Variants in TMEM131L observed in about 807,000 individuals in gnomAD.
TMEM131L encodes transmembrane protein 131-like.
In TMEM131L, 54 loss-of-function variants were observed where a neutral mutation model predicts 192.2. That is an observed-to-expected ratio of 0.28 (90% CI 0.23 to 0.35). The LOEUF is 0.35. Among genes scored for constraint, TMEM131L ranks in the 10% least tolerant of loss-of-function variants. The probability of loss-of-function intolerance (pLI) is 1.00; values close to 1 mark genes in which losing one functional copy is unlikely to be tolerated. For synonymous variants in TMEM131L, 701 were observed against 704.9 expected (o/e 0.99, Z 0.09); for missense variants, 1,888 against 1,972.9 (o/e 0.96, Z 0.82).
At chr4:153,630,491 G>A (rs916669358) in intron 31 of TMEM131L, among the ~76,000 whole-genome samples, 5 of 152,230 alleles carry the variant, frequency 3.3e-5, no homozygotes, top group Admixed American at 6.5e-5. Flanking sequence ...GGATGTGTTA[G>A]TGATTGCATA....
Position 153,580,858 on chromosome 4 carries a change from G to A in TMEM131L, c.693G>A (p.Val231=). ...AETTNTSLLQ[V]QLECSLHNKV... is the part of the protein sequence containing the mutation. The stretch of plus-strand genomic sequence containing the variant: ...CCACTAATACTAGCCTCTTGCAGGT[G>A]CAACTGGAATGCAGTTTACATAATA... The change falls in exon 8 of 35, where the codon GTG becomes GTA. Residue 231 remains valine, a synonymous_variant. Transcript: ENST00000409959. The A allele has an allele frequency of 6.2e-7, 1 of 1,612,862 alleles. No individual in the cohort carries two copies. The highest frequency in any genetic ancestry group is 1.1e-5 in the South Asian group (1 of 91,036).
chr4:153,528,591 C>A (rs1418604810), intron 3 of TMEM131L, among the ~76,000 whole-genome samples: 1 of 152,042 alleles, frequency 6.6e-6, no homozygotes, highest in Non-Finnish European at 1.5e-5. Context: ...CACTTGCATT[C>A]TTTTTAATGT....
intron 7 of TMEM131L, among the ~76,000 whole-genome samples, chr4:153,580,033 C>G (rs576059509): frequency 1.3e-5 from 2 of 152,262 alleles, no homozygotes; most frequent in South Asian, 4.1e-4. Flanking sequence ...TTTTTCTAAT[C>G]ACTATGCCAG....
rs772883505 is a variant in TMEM131L at position 153,555,132 on chromosome 4, ACCTCTGCTGC to A, written c.309-654_309-645del. On this transcript the variant is annotated intron_variant, in intron 4 of 34. Coordinates refer to ENST00000409959, the MANE Select transcript of TMEM131L (RefSeq NM_001131007.2). This position sits in a 1 kb window ranked among gnomAD's most constrained non-coding sequence, Gnocchi z 4.1. ...AGGCTCATAATTTAAATGGATGAGAACCTCTGCTGCAAAGTGCTGCCGGATTTTCAGTTTT... is the reference window on the plus strand; with the variant it reads ...AGGCTCATAATTTAAATGGATGAGAAAAAGTGCTGCCGGATTTTCAGTTTT... Among the ~76,000 whole-genome samples the A allele has an allele frequency of 3.8e-4, 58 of 152,300 alleles. No homozygotes were observed. The highest frequency in any genetic ancestry group is 6.6e-4 in the Non-Finnish European group (45 of 68,030).
intron 29 of TMEM131L, among the ~76,000 whole-genome samples, chr4:153,624,398 C>T (rs1489163164): frequency 3.3e-5 from 5 of 152,316 alleles, no homozygotes; most frequent in African/African-American, 9.6e-5. Flanking sequence ...GGATTACAGG[C>T]GTGGGCCACT....
chr4:153,582,389 C>T (rs948478519), intron 9 of TMEM131L, among the ~76,000 whole-genome samples: 11 of 147,270 alleles, frequency 7.5e-5, no homozygotes, highest in Non-Finnish European at 1.3e-4. Context: ...GGACCACAGG[C>T]GCACACCACT....
chr4:153,612,382 G>T lies in TMEM131L; in HGVS notation c.3549G>T (p.Gln1183His). The change falls in exon 26 of 35, where the codon CAG becomes CAT. Residue 1183 changes from glutamine (Q) to histidine (H), a missense_variant. Coordinates refer to ENST00000409959, the MANE Select transcript of TMEM131L (RefSeq NM_001131007.2). ...GAGAAGACATGTTTTCTGAGAAACA[G>T]GACATACCTTTCGTAGAGGTCTGTA... is the stretch of plus-strand genomic sequence containing the variant. ...TSREDMFSEK[Q>H]DIPFVEQEDP... 1 of 1,591,892 alleles carries T rather than the reference G, an allele frequency of 6.3e-7. No individual in the cohort carries two copies. The highest frequency in any genetic ancestry group is 8.5e-7 in the Non-Finnish European group (1 of 1,173,758).
intron 3 of TMEM131L, among the ~76,000 whole-genome samples, chr4:153,506,453 G>A (rs1159656036): frequency 6.6e-6 from 1 of 152,194 alleles, no homozygotes; most frequent in Non-Finnish European, 1.5e-5. Context: ...AGTTTACACA[G>A]TGACTCAGGG....
chr4:153,624,109 T>G (rs1175056866), intron 29 of TMEM131L, among the ~76,000 whole-genome samples: 1 of 151,350 alleles, frequency 6.6e-6, no homozygotes, highest in Non-Finnish European at 1.5e-5. Flanking sequence ...ACTCAGTTTT[T>G]TTTTTTTTTT....
intron 25 of TMEM131L, 98 bp downstream of exon 25, chr4:153,604,528 A>T: frequency 1.6e-6 from 2 of 1,219,970 alleles, no homozygotes; most frequent in Non-Finnish European, 2.3e-6. Context: ...TTAATTGTGG[A>T]TGCTGAGTTT....
At chr4:153,482,753 G>A (rs766624916) in intron 3 of TMEM131L, among the ~76,000 whole-genome samples, 20 of 152,126 alleles carry the variant, frequency 1.3e-4, no homozygotes, top group Non-Finnish European at 2.4e-4. Context: ...CACCATGCCC[G>A]GCTAATATTT....
At chr4:153,488,095 T>C (rs148150621) in intron 3 of TMEM131L, among the ~76,000 whole-genome samples, 1 of 142,738 alleles carries the variant, frequency 7.0e-6, no homozygotes, top group Non-Finnish European at 1.5e-5. Flanking sequence ...TGTGGCTGAG[T>C]TTTGTGTGCG....
At chr4:153,524,781 G>A (rs2150175443) in intron 3 of TMEM131L, among the ~76,000 whole-genome samples, 1 of 152,336 alleles carries the variant, frequency 6.6e-6, no homozygotes. Context: ...CCATGTTATG[G>A]GTTGAAGCCT....
At position 153,587,808 on chromosome 4, in the gene TMEM131L, G is replaced by A; in HGVS notation, c.1549G>A (p.Ala517Thr). ...GMHYFMGKSK[A>T]GNPNWNGSLS... is the part of the protein sequence containing the mutation. ...GCATTATTTCATGGGAAAATCAAAA[G>A]CAGGTAAGTATTTTGCCCTTAGGCT... is the stretch of plus-strand genomic sequence containing the variant. Residue 517 changes from alanine (A) to threonine (T), a missense_variant, in exon 15 of 35, where the codon GCA becomes ACA. Ala to Thr is a moderately conservative substitution (Grantham distance 58). Transcript: ENST00000409959. 3.1e-6 allele frequency: 5 copies of A among 1,611,630 alleles called. No homozygotes were observed. The highest frequency in any genetic ancestry group is 4.2e-6 in the Non-Finnish European group (5 of 1,177,780).
intron 10 of TMEM131L, 41 bp from the exon 11 acceptor site, chr4:153,583,523 C>A (rs1210092613): frequency 1.6e-6 from 2 of 1,284,892 alleles, no homozygotes; most frequent in Middle Eastern, 1.8e-4. Context: ...AAATACTCTC[C>A]CAGCTGAGAG....
intron 3 of TMEM131L, among the ~76,000 whole-genome samples, chr4:153,548,908 G>C (rs1737395099): frequency 6.6e-6 from 1 of 152,164 alleles, no homozygotes; most frequent in African/African-American, 2.4e-5. Flanking sequence ...CTTTGAACCA[G>C]CTTGGTTGAT....
intron 1 of TMEM131L, 27 bp downstream of exon 1, chr4:153,466,548 C>T: frequency 3.1e-6 from 4 of 1,303,244 alleles, no homozygotes; most frequent in Non-Finnish European, 2.9e-6. Context: ...TGGGCTCGCT[C>T]TGCCTCTCCA....
At chr4:153,578,435 A>G (rs958342340) in intron 7 of TMEM131L, among the ~76,000 whole-genome samples, 14 of 151,764 alleles carry the variant, frequency 9.2e-5, no homozygotes, top group African/African-American at 2.9e-4. Context: ...AGCTCACTGA[A>G]ACCTCCACCT....
At chr4:153,515,391 G>A (rs1457678284) in intron 3 of TMEM131L, among the ~76,000 whole-genome samples, 1 of 152,004 alleles carries the variant, frequency 6.6e-6, no homozygotes, top group Non-Finnish European at 1.5e-5. Flanking sequence ...TAATGTTTTC[G>A]GGGTTTACCA....
Sources: allele counts gnomAD v4.1 joint callset (sites outside exome capture counted in the v4.1 genomes callset), GRCh38; gene constraint gnomAD v4.1.1; non-coding constraint Gnocchi (gnomAD v3.1); transcripts MANE v1.5; gene names NCBI Gene and HGNC (gene_info 2026-07-23, HGNC 2026-07-21).